Variants in TACC1 observed in about 807,000 individuals in gnomAD.
The protein encoded by TACC1 is transforming acidic coiled-coil containing protein 1.
In TACC1, 48 loss-of-function variants were observed where a neutral mutation model predicts 84.4. The ratio of observed to expected loss-of-function variants is 0.57; its 90% CI spans 0.45 to 0.72. The LOEUF is 0.72. Among genes scored for constraint, TACC1 ranks in the 30% least tolerant of loss-of-function variants. The pLI is 0.00. For synonymous variants in TACC1, 372 were observed against 376.3 expected, an observed-to-expected ratio of 0.99 and a Z score of 0.13; for missense variants, 920 against 973.0, an observed-to-expected ratio of 0.95 and a Z score of 0.72.
At chr8:38,737,164 A>C (rs1196420286) in intron 1 of TACC1, among the ~76,000 whole-genome samples, 1 of 152,152 alleles carries the variant, frequency 6.6e-6, no homozygotes, top group African/African-American at 2.4e-5. Context: ...CAAGGCCCGG[A>C]CTAAAACAGA....
chr8:38,836,315 A>G, intron 7 of TACC1, 28 bp downstream of exon 7: 1 of 1,598,052 alleles, frequency 6.3e-7, no homozygotes, highest in African/African-American at 1.3e-5. Flanking sequence ...TAGTCTGCTT[A>G]TCACTCCATT....
At position 38,819,961 on chromosome 8, in the gene TACC1, G is replaced by T. The variant is rs1470366866; in HGVS notation, c.717G>T (p.Arg239Ser). 6.2e-7 allele frequency: 1 copy of T among 1,614,142 alleles called. No homozygotes were observed. The highest frequency in any genetic ancestry group is 8.5e-7 in the Non-Finnish European group (1 of 1,180,056). Residue 239 changes from arginine to serine, a missense_variant, in exon 3 of 13, where the codon AGG becomes AGT. Around this residue, in one of 2 missense-constraint regions of TACC1, gnomAD observed 762 missense variants for 747.3 expected, o/e 1.02. Coordinates refer to ENST00000317827, the MANE Select transcript of TACC1 (RefSeq NM_006283.3). ...GAAAGCCCAAGCCTGTCCCCCTGAGGAAGAAAGCAATTGGAGGAGAGTTCT... is the reference window on the plus strand; with the variant it reads ...GAAAGCCCAAGCCTGTCCCCCTGAGTAAGAAAGCAATTGGAGGAGAGTTCT... ...KLRKPKPVPL[R>S]KKAIGGEFSD...
intron 10 of TACC1, among the ~76,000 whole-genome samples, chr8:38,842,965 A>T (rs1280951545): frequency 6.6e-6 from 1 of 152,240 alleles, no homozygotes; most frequent in Non-Finnish European, 1.5e-5. Flanking sequence ...CTTTATTTTC[A>T]TATTAAAATA....
At position 38,820,395 on chromosome 8, in the gene TACC1, C is replaced by T; in HGVS notation, c.1151C>T (p.Pro384Leu). The change falls in exon 3 of 13, where the codon CCA becomes CTA. Residue 384 changes from proline (P) to leucine (L), a missense_variant. Around this residue, in one of 2 missense-constraint regions of TACC1, gnomAD observed 762 missense variants for 747.3 expected, o/e 1.02. Transcript: ENST00000317827. Reference protein sequence around the residue: ...DGPLSQTSSKPDPSQWESPSF... With the variant: ...DGPLSQTSSKLDPSQWESPSF... ...CCTCTCTCCCAAACATCTTCCAAGC[C>T]AGATCCTAGTCAGTGGGAAAGCCCC... is the stretch of plus-strand genomic sequence containing the variant. 6.2e-7 allele frequency: 1 copy of T among 1,614,134 alleles called. No homozygotes were observed. Among genetic ancestry groups the T allele is most frequent in the Non-Finnish European group, 8.5e-7 (1 of 1,180,020 alleles).
intron 3 of TACC1, among the ~76,000 whole-genome samples, chr8:38,764,602 G>T (rs1811868568): frequency 6.6e-6 from 1 of 151,906 alleles, no homozygotes; most frequent in South Asian, 2.1e-4. Context: ...ATATTTATTT[G>T]TAAGAGTTCT....
At position 38,842,405 on chromosome 8, in the gene TACC1, G is replaced by C; in HGVS notation, c.2079G>C (p.Arg693Ser). Reference protein sequence around the residue: ...SVERSLSDLFRRYENLKGVLE... With the variant: ...SVERSLSDLFSRYENLKGVLE... ...AAAGGTCCCTTTCTGATCTCTTCAG[G>C]AGATATGAGAACCTGAAAGGTGTTC... Residue 693 changes from arginine (R) to serine (S), a missense_variant, in exon 10 of 13, where the codon AGG (arginine) becomes AGC (serine). Transcript: ENST00000317827. 6.2e-7 allele frequency: 1 copy of C among 1,613,972 alleles called. No individual in the cohort carries two copies. Among genetic ancestry groups the C allele is most frequent in the South Asian group, 1.1e-5 (1 of 91,020 alleles).
intron 3 of TACC1, chr8:38,823,858 G>A: frequency 1.8e-6 from 1 of 559,314 alleles, no homozygotes; most frequent in South Asian, 1.5e-5. Context: ...TTTTTAATTT[G>A]TATCTCACCT....
chr8:38,769,308 T>TG (rs1216472825), intron 3 of TACC1, among the ~76,000 whole-genome samples: 1 of 111,442 alleles, frequency 9.0e-6, no homozygotes, highest in East Asian at 3.2e-4. Flanking sequence ...CTGTGTATGG[T>TG]GGGGGGTGTG....
chr8:38,851,869 G>A lies in TACC1; in HGVS notation c.*3846G>A, dbSNP rs1449892037. The stretch of plus-strand genomic sequence containing the variant: ...CCAGAATGTCAAGCCAAAGGTCTAA[G>A]AAGTCATCTCCTTCAAATACTTTAA... On this transcript the variant is annotated 3_prime_UTR_variant, in exon 13 of 13. Transcript: ENST00000317827. The A allele has an allele frequency of 4.4e-6, 2 of 454,166 alleles. No individual in the cohort carries two copies. The highest frequency in any genetic ancestry group is 4.0e-5 in the African/African-American group (2 of 50,020). 28.1% of individuals were successfully genotyped at this position (454,166 alleles called of 1,614,324 possible). A position where few individuals can be genotyped will look rare whatever the true frequency, so the allele number is the denominator to read the frequency against.
chr8:38,824,464 TAAG>T (rs1827576509), intron 3 of TACC1, among the ~76,000 whole-genome samples: 2 of 152,360 alleles, frequency 1.3e-5, no homozygotes, highest in Middle Eastern at 3.4e-3. Context: ...TAGCACTCAG[TAAG>T]AAGATTAGGG....
rs35426492 is a variant in TACC1 at position 38,850,775 on chromosome 8, C to CAAAAAAAAAAAAA, written c.*2765_*2777dup. The CAAAAAAAAAAAAA allele has an allele frequency of 1.4e-5, 1 of 69,198 alleles. No individual in the cohort carries two copies. Among genetic ancestry groups the CAAAAAAAAAAAAA allele is most frequent in the Non-Finnish European group, 2.9e-5 (1 of 34,680 alleles). The allele number at this position is 69,198 out of a possible 1,614,324, so 4.3% of individuals were successfully genotyped here. A position where few individuals can be genotyped will look rare whatever the true frequency, so the allele number is the denominator to read the frequency against. On this transcript the variant is annotated 3_prime_UTR_variant, in exon 13 of 13. Coordinates refer to ENST00000317827, the MANE Select transcript of TACC1 (RefSeq NM_006283.3). Reference sequence around the variant, plus strand: ...CCTGGGTGACAGCAAGATCTTGTCTCAAAAAAAAAAAAAAAAAAAAAAAAA... The same window carrying CAAAAAAAAAAAAA: ...CCTGGGTGACAGCAAGATCTTGTCTCAAAAAAAAAAAAAAAAAAAAAAAAAAAAAAAAAAAAAA...
upstream of TACC1, among the ~76,000 whole-genome samples, chr8:38,782,284 T>C (rs1246586684): frequency 1.3e-5 from 2 of 152,132 alleles, no homozygotes; most frequent in Non-Finnish European, 2.9e-5. Context: ...GGTTTTTTGT[T>C]CTTGCGATAG....
intron 2 of TACC1, among the ~76,000 whole-genome samples, chr8:38,809,454 C>T (rs1428703576): frequency 6.6e-6 from 1 of 152,096 alleles, no homozygotes; most frequent in Non-Finnish European, 1.5e-5. Flanking sequence ...TTCCCTAGCT[C>T]TTGGACGGCT....
Position 38,820,268 on chromosome 8 carries a change from G to T in TACC1, c.1024G>T (p.Gly342Cys), listed in dbSNP as rs760434980. The T allele has an allele frequency of 6.2e-7, 1 of 1,614,130 alleles. No individual in the cohort carries two copies. Among genetic ancestry groups the T allele is most frequent in the Non-Finnish European group, 8.5e-7 (1 of 1,180,024 alleles). The change falls in exon 3 of 13, where the codon GGC becomes TGC. Residue 342 changes from glycine to cysteine, a missense_variant. Physicochemically the swap from Gly to Cys is radical, Grantham distance 159. Transcript: ENST00000317827. ...EARKALPRKL[G>C]RKLGSTLTPK... Reference sequence around the variant, plus strand: ...CAGGAAAGCCCTTCCAAGGAAGCTTGGCAGGAAACTGGGTAGCACACTGAC... The same window carrying T: ...CAGGAAAGCCCTTCCAAGGAAGCTTTGCAGGAAACTGGGTAGCACACTGAC...
intron 1 of TACC1, among the ~76,000 whole-genome samples, chr8:38,737,667 A>G (rs1163744939): frequency 6.6e-6 from 1 of 151,946 alleles, no homozygotes; most frequent in Non-Finnish European, 1.5e-5. Flanking sequence ...GAATATGCAG[A>G]AAAGACAACA....
chr8:38,812,547 C>A (rs1170023854), intron 2 of TACC1, among the ~76,000 whole-genome samples: 1 of 152,134 alleles, frequency 6.6e-6, no homozygotes, highest in African/African-American at 2.4e-5. Flanking sequence ...TGTCAAAGCC[C>A]CTAGAATAAA....
intron 2 of TACC1, among the ~76,000 whole-genome samples, chr8:38,813,478 C>G (rs764815335): frequency 1.3e-5 from 2 of 152,196 alleles, no homozygotes; most frequent in African/African-American, 2.4e-5. Context: ...CATCCAAACC[C>G]TCAGTGCATT....
At chr8:38,839,622 G>A in intron 8 of TACC1, 2 of 257,404 alleles carry the variant, frequency 7.8e-6, no homozygotes. Flanking sequence ...CCACCATTGA[G>A]GGCAGGGGAG....
At chr8:38,824,278 G>A (rs540323252) in intron 3 of TACC1, among the ~76,000 whole-genome samples, 3 of 152,272 alleles carry the variant, frequency 2.0e-5, no homozygotes, top group East Asian at 3.9e-4. Context: ...GTCACGTGGC[G>A]CTTTGACAAT....
Sources: allele counts gnomAD v4.1 joint callset (sites outside exome capture counted in the v4.1 genomes callset), GRCh38; gene constraint gnomAD v4.1.1; regional missense constraint gnomAD v4.1.1; transcripts MANE v1.5; gene names NCBI Gene and HGNC (gene_info 2026-07-23, HGNC 2026-07-21).